CUL3: variants seen among roughly 807,000 people sequenced by gnomAD.
CUL3 encodes cullin 3.
CUL3 carries 19 observed loss-of-function variants against 89.1 expected under a neutral mutation model. That is an observed-to-expected ratio of 0.21 (90% CI 0.15 to 0.31). CUL3 has a LOEUF of 0.31. Ranked by LOEUF, CUL3 falls within the 10% of genes least tolerant of loss-of-function variation. CUL3 has a pLI of 1.00. For synonymous variants in CUL3, 351 were observed against 308.4 expected, an observed-to-expected ratio of 1.14 and a Z score of -1.45; for missense variants, 469 against 942.3, an observed-to-expected ratio of 0.50 and a Z score of 6.58.
intron 12 of CUL3, among the ~76,000 whole-genome samples, chr2:224,497,111 C>A (rs1210683132): frequency 6.6e-6 from 1 of 152,068 alleles, no homozygotes; most frequent in East Asian, 1.9e-4. Flanking sequence ...TCATTAAAAT[C>A]TAAAGCTTAT....
At chr2:224,480,674 A>G (rs903607699) in intron 14 of CUL3, among the ~76,000 whole-genome samples, 9 of 152,196 alleles carry the variant, frequency 5.9e-5, no homozygotes, top group Non-Finnish European at 1.2e-4. Flanking sequence ...AGGGTACAGT[A>G]GGGTGAGGGT....
At chr2:224,557,561 C>A in intron 2 of CUL3, 98 bp downstream of exon 2, 3 of 766,550 alleles carry the variant, frequency 3.9e-6, no homozygotes, top group Non-Finnish European at 6.1e-6. Flanking sequence ...AGGCTTCTGG[C>A]ACCTTTAAAA....
intron 1 of CUL3, among the ~76,000 whole-genome samples, chr2:224,570,343 A>G (rs757505969): frequency 6.6e-6 from 1 of 152,212 alleles, no homozygotes; most frequent in Non-Finnish European, 1.5e-5. Flanking sequence ...GACACATTCA[A>G]ACAGACTTTG....
At chr2:224,475,366 A>G (rs903808580) in intron 15 of CUL3, among the ~76,000 whole-genome samples, 2 of 152,226 alleles carry the variant, frequency 1.3e-5, no homozygotes, top group Non-Finnish European at 2.9e-5. Context: ...TTTACAAACG[A>G]GGAAAATAAA....
intron 3 of CUL3, among the ~76,000 whole-genome samples, chr2:224,534,338 A>G (rs957613823): frequency 6.6e-6 from 1 of 152,226 alleles, no homozygotes; most frequent in African/African-American, 2.4e-5. Flanking sequence ...TGGAATATAC[A>G]TGTGAAGAAG....
intron 3 of CUL3, among the ~76,000 whole-genome samples, chr2:224,528,901 G>C (rs1693583435): frequency 6.6e-6 from 1 of 152,010 alleles, no homozygotes; most frequent in African/African-American, 2.4e-5. Flanking sequence ...TTTGCTGTTT[G>C]TGAAAATGAC....
In CUL3 at chr2:224,484,364, G is replaced by C. The variant is rs151088552; in HGVS notation, c.1843-2286C>G. Reference sequence around the variant, plus strand: ...TTTGTACTTCTCATGACCACTATGGGAAAAAATATTTTTATATTTACAGGA... The same window carrying C: ...TTTGTACTTCTCATGACCACTATGGCAAAAAATATTTTTATATTTACAGGA... On this transcript the variant is annotated intron_variant, in intron 13 of 15. Coordinates refer to ENST00000264414, the MANE Select transcript of CUL3 (RefSeq NM_003590.5). Among the ~76,000 whole-genome samples, 1,367 of 152,050 alleles carry C rather than the reference G, an allele frequency of 9.0e-3. 15 individuals are homozygous for C. The highest frequency in any genetic ancestry group is 0.014 in the Non-Finnish European group (964 of 67,964).
intron 3 of CUL3, among the ~76,000 whole-genome samples, chr2:224,528,569 G>A (rs1326075324): frequency 6.6e-6 from 1 of 151,962 alleles, no homozygotes; most frequent in Non-Finnish European, 1.5e-5. Context: ...ACTCCTTAAG[G>A]GCTCAACAAC....
chr2:224,477,247 A>G, intron 15 of CUL3, among the ~76,000 whole-genome samples: 1 of 152,190 alleles, frequency 6.6e-6, no homozygotes, highest in East Asian at 1.9e-4. Context: ...TTCTGATTCA[A>G]TTCTCAGGCT....
At chr2:224,519,444 T>A (rs555760723) in intron 3 of CUL3, among the ~76,000 whole-genome samples, 24 of 152,232 alleles carry the variant, frequency 1.6e-4, no homozygotes, top group African/African-American at 4.6e-4. Flanking sequence ...AAGCCATGGG[T>A]TACTGTGGTG....
Position 224,531,088 on chromosome 2 carries a change from C to CTTT in CUL3, c.378+4437_378+4439dup, listed in dbSNP as rs36035608. The stretch of plus-strand genomic sequence containing the variant: ...ACTTTCTTTTTGAACCTAAAATAGC[C>CTTT]TTTTTTTTTTTTTTTTGAGATAAGA... On this transcript the variant is annotated intron_variant, in intron 3 of 15. Coordinates refer to ENST00000264414, the MANE Select transcript of CUL3 (RefSeq NM_003590.5). Among the ~76,000 whole-genome samples the CTTT allele has an allele frequency of 2.4e-3, 327 of 137,014 alleles. 3 individuals carry two copies. The highest frequency in any genetic ancestry group is 8.1e-3 in the African/African-American group (300 of 37,136). The allele number at this position is 137,014 out of a possible 152,430, so 89.9% of individuals were successfully genotyped here.
At chr2:224,524,201 T>A (rs991312489) in intron 3 of CUL3, among the ~76,000 whole-genome samples, 2 of 152,110 alleles carry the variant, frequency 1.3e-5, no homozygotes, top group South Asian at 4.1e-4. Flanking sequence ...AGGAGCCCCA[T>A]ACCAGCCTTC....
At chr2:224,513,373 T>C (rs757007339) in intron 5 of CUL3, 151 bp downstream of exon 5, 1 of 578,482 alleles carries the variant, frequency 1.7e-6, no homozygotes, top group Non-Finnish European at 3.0e-6. Flanking sequence ...ATGGTCAGAA[T>C]GTGAGGTAGT....
intron 13 of CUL3, among the ~76,000 whole-genome samples, chr2:224,493,698 A>AT (rs1397155806): frequency 6.6e-6 from 1 of 152,144 alleles, no homozygotes; most frequent in East Asian, 1.9e-4. Flanking sequence ...TTATCCCATT[A>AT]TTTTTTACCA....
At chr2:224,574,435 T>C (rs993303460) in intron 1 of CUL3, among the ~76,000 whole-genome samples, 1 of 152,232 alleles carries the variant, frequency 6.6e-6, no homozygotes, top group Admixed American at 6.5e-5. Flanking sequence ...GAGCAAGTAG[T>C]ATTCTCCTCA....
At chr2:224,521,121 T>G (rs1240453746) in intron 3 of CUL3, among the ~76,000 whole-genome samples, 1 of 152,160 alleles carries the variant, frequency 6.6e-6, no homozygotes, top group East Asian at 1.9e-4. Flanking sequence ...AAGAAAAAGT[T>G]TAGTAAATAT....
Position 224,506,031 on chromosome 2 carries a change from A to G in CUL3, c.1131T>C (p.Phe377=). The G allele has an allele frequency of 6.2e-7, 1 of 1,612,644 alleles. No individual in the cohort carries two copies. Among genetic ancestry groups the G allele is most frequent in the South Asian group, 1.1e-5 (1 of 90,868 alleles). ...KQTIAGDFEY[F]LNLNSRSPEY... ...CAGGAGACCTGGAGTTGAGGTTGAG[A>G]AAATACTCAAAGTCACCCGCAATAG... Residue 377 remains phenylalanine (F), a synonymous_variant, in exon 8 of 16, where the codon TTT becomes TTC. Transcript: ENST00000264414.
chr2:224,505,514 C>A (rs1396522037), intron 8 of CUL3, among the ~76,000 whole-genome samples: 1 of 152,214 alleles, frequency 6.6e-6, no homozygotes, highest in Non-Finnish European at 1.5e-5. Flanking sequence ...CAGCTCACTG[C>A]AGCCTTGAAC....
At chr2:224,489,646 C>T (rs1349683651) in intron 13 of CUL3, among the ~76,000 whole-genome samples, 1 of 152,194 alleles carries the variant, frequency 6.6e-6, no homozygotes, top group Non-Finnish European at 1.5e-5. Flanking sequence ...AATGGCCATA[C>T]TGCCCAAAGT....
Sources: gnomAD v4.1 joint callset for allele counts (sites outside exome capture counted in the v4.1 genomes callset) on GRCh38, gnomAD v4.1.1 for gene constraint, MANE v1.5 for transcripts, NCBI Gene and HGNC (gene_info 2026-07-23, HGNC 2026-07-21) for gene names.